The following N4BP2 variants were observed in gnomAD, a reference collection of about 807,000 sequenced individuals.
N4BP2 encodes NEDD4-binding protein 2.
In N4BP2, 91 loss-of-function variants were observed where a neutral mutation model predicts 152.8. The ratio of observed to expected loss-of-function variants is 0.60; its 90% confidence interval spans 0.50 to 0.71. The LOEUF (loss-of-function observed/expected upper bound fraction) is 0.71. N4BP2 is among the 30% of genes least tolerant of loss of function. The pLI, the probability that N4BP2 is intolerant of heterozygous loss-of-function variation, is 0.00. For synonymous variants in N4BP2, 646 were observed against 705.3 expected (o/e 0.92, Z 1.33); for missense variants, 1,923 against 2,059.1 (o/e 0.93, Z 1.28).
intron 12 of N4BP2, among the ~76,000 whole-genome samples, chr4:40,127,774 C>T (rs1718551294): frequency 6.6e-6 from 1 of 152,164 alleles, no homozygotes; most frequent in Non-Finnish European, 1.5e-5. Flanking sequence ...CATTCTCCTG[C>T]TTCAGCCTCC....
intron 2 of N4BP2, among the ~76,000 whole-genome samples, chr4:40,075,022 A>G (rs1038896727): frequency 1.3e-5 from 2 of 151,930 alleles, no homozygotes; most frequent in Non-Finnish European, 2.9e-5. Context: ...AAAAAAAAGT[A>G]AATAAATAAA....
chr4:40,184,951 G>A, the N4BP2 span, among the ~76,000 whole-genome samples: 1 of 150,730 alleles, frequency 6.6e-6, no homozygotes, highest in Non-Finnish European at 1.5e-5. Context: ...GCAAGACTCT[G>A]TCTCAAAAAA....
intron 2 of N4BP2, among the ~76,000 whole-genome samples, chr4:40,076,273 C>T (rs1241304485): frequency 7.2e-5 from 11 of 152,044 alleles, no homozygotes; most frequent in African/African-American, 2.4e-4. Context: ...GTCAAGAGTT[C>T]GAGGCCAGCC....
intron 2 of N4BP2, among the ~76,000 whole-genome samples, chr4:40,094,113 T>G (rs1465160753): frequency 6.6e-6 from 1 of 152,230 alleles, no homozygotes; most frequent in African/African-American, 2.4e-5. Context: ...TTTTCGAGAC[T>G]TCATCATTGA....
In N4BP2 at chr4:40,120,026, G is replaced by C; in HGVS notation, c.1915G>C (p.Asp639His). ...HLEFTEEKNL[D>H]VTKETMLPEN... ...AGAGTTCACTGAAGAGAAGAATCTT[G>C]ATGTAACCAAAGAAACAATGTTACC... The change falls in exon 9 of 18, where the codon GAT becomes CAT. Residue 639 changes from aspartate to histidine, a missense_variant. Physicochemically the swap from Asp to His is moderately conservative, Grantham distance 81 (BLOSUM62 -1). Coordinates refer to ENST00000261435, the MANE Select transcript of N4BP2 (RefSeq NM_018177.6). The C allele has an allele frequency of 6.3e-7, 1 of 1,598,772 alleles. No individual in the cohort carries two copies.
intron 2 of N4BP2, among the ~76,000 whole-genome samples, chr4:40,089,435 C>CTCTT (rs1714316653): frequency 9.0e-6 from 1 of 111,142 alleles, no homozygotes; most frequent in African/African-American, 3.4e-5. Flanking sequence ...TCAGTTTTGC[C>CTCTT]TTTTTTTTTT....
downstream of N4BP2, among the ~76,000 whole-genome samples, chr4:40,159,903 TCA>T (rs934331514): frequency 2.6e-5 from 4 of 152,154 alleles, no homozygotes; most frequent in Non-Finnish European, 5.9e-5. Flanking sequence ...AGATGGATTC[TCA>T]CTCTGTCACC....
chr4:40,188,267 G>A, the N4BP2 span, among the ~76,000 whole-genome samples: 2 of 151,950 alleles, frequency 1.3e-5, no homozygotes, highest in Non-Finnish European at 2.9e-5. Context: ...AAAGTCAACC[G>A]GCTACCATCA....
At chr4:40,147,873 C>T (rs1720741987) in intron 16 of N4BP2, among the ~76,000 whole-genome samples, 1 of 150,476 alleles carries the variant, frequency 6.6e-6, no homozygotes, top group Admixed American at 6.6e-5. Context: ...GGCAGAGGCG[C>T]TCCTCACATC....
At chr4:40,111,259 C>G (rs1716851009) in intron 5 of N4BP2, among the ~76,000 whole-genome samples, 1 of 152,120 alleles carries the variant, frequency 6.6e-6, no homozygotes, top group Non-Finnish European at 1.5e-5. Context: ...TAACTAAACT[C>G]AAGACTATAG....
At chr4:40,174,320 T>TTAAATGATG in the N4BP2 span, among the ~76,000 whole-genome samples, 1 of 152,086 alleles carries the variant, frequency 6.6e-6, no homozygotes, top group African/African-American at 2.4e-5. Context: ...GAGGCTGCAG[T>TTAAATGATG]GAGCCGTGAT....
the N4BP2 span, among the ~76,000 whole-genome samples, chr4:40,181,906 G>A: frequency 6.6e-6 from 1 of 152,182 alleles, no homozygotes; most frequent in East Asian, 1.9e-4. Context: ...CTGAGATCAT[G>A]CTACTGCACT....
intron 3 of N4BP2, among the ~76,000 whole-genome samples, chr4:40,100,662 A>G (rs1489537598): frequency 6.6e-6 from 1 of 152,174 alleles, no homozygotes; most frequent in Non-Finnish European, 1.5e-5. Context: ...ATGAGCTGCC[A>G]CACCTGGCCT....
At chr4:40,137,309 C>A (rs1023622964) in intron 14 of N4BP2, among the ~76,000 whole-genome samples, 2 of 152,140 alleles carry the variant, frequency 1.3e-5, no homozygotes, top group African/African-American at 2.4e-5. Context: ...TGAATTTCTG[C>A]AACTTCTGTA....
At chr4:40,098,686 T>C (rs543034034) in intron 3 of N4BP2, among the ~76,000 whole-genome samples, 2 of 152,346 alleles carry the variant, frequency 1.3e-5, no homozygotes, top group South Asian at 2.1e-4. Context: ...AATGACAGTA[T>C]ATTGAGTTTT....
downstream of N4BP2, among the ~76,000 whole-genome samples, chr4:40,159,354 G>C (rs1440140723): frequency 1.3e-5 from 2 of 152,156 alleles, no homozygotes; most frequent in African/African-American, 4.8e-5. Context: ...AATGGCAAAA[G>C]GTAAAAGTTT....
chr4:40,183,502 A>AT, the N4BP2 span, among the ~76,000 whole-genome samples: 2 of 151,636 alleles, frequency 1.3e-5, no homozygotes, highest in Admixed American at 6.6e-5. Context: ...TGCCCAGCTA[A>AT]TTTTTTTGTA....
chr4:40,058,771 T>G (rs1000493584), intron 1 of N4BP2, among the ~76,000 whole-genome samples: 20 of 151,442 alleles, frequency 1.3e-4, no homozygotes, highest in Admixed American at 1.1e-3. Context: ...AGTTGCATGT[T>G]TTTTTTTTAG....
At chr4:40,151,526 C>G (rs1721151375) in intron 16 of N4BP2, among the ~76,000 whole-genome samples, 1 of 152,174 alleles carries the variant, frequency 6.6e-6, no homozygotes, top group Non-Finnish European at 1.5e-5. Context: ...CCTTCCTTAG[C>G]CTCCCAAAGT....
Sources: allele counts gnomAD v4.1 joint callset (sites outside exome capture counted in the v4.1 genomes callset), GRCh38; gene constraint gnomAD v4.1.1; transcripts MANE v1.5; gene names NCBI Gene and HGNC (gene_info 2026-07-23, HGNC 2026-07-21).